CSMD3: variants seen among roughly 807,000 people sequenced by gnomAD.
CSMD3 encodes CUB and Sushi multiple domains 3.
In CSMD3, 177 loss-of-function variants were observed where a neutral mutation model predicts 435.2. The ratio of observed to expected loss-of-function variants is 0.41; its 90% CI spans 0.36 to 0.46. The LOEUF (loss-of-function observed/expected upper bound fraction) is 0.46, where lower values mean the gene tolerates loss of function less well. Ranked by LOEUF, CSMD3 falls within the 20% of genes least tolerant of loss-of-function variation. CSMD3 has a pLI of 0.34. For synonymous variants in CSMD3, 1,656 were observed against 1,520.5 expected (o/e 1.09, Z -2.07); for missense variants, 4,265 against 4,504.6 (o/e 0.95, Z 1.52).
intron 10 of CSMD3, among the ~76,000 whole-genome samples, chr8:112,918,411 A>C (rs554409562): frequency 6.6e-6 from 1 of 151,994 alleles, no homozygotes; most frequent in East Asian, 1.9e-4. Flanking sequence ...ATTACTTGGT[A>C]CCATCCTAAT....
intron 3 of CSMD3, among the ~76,000 whole-genome samples, chr8:113,250,919 A>C (rs1187779123): frequency 6.6e-6 from 1 of 152,146 alleles, no homozygotes; most frequent in Admixed American, 6.6e-5. Context: ...CATTCAAAAA[A>C]TAAATAAAGT....
intron 10 of CSMD3, among the ~76,000 whole-genome samples, chr8:112,888,224 C>T (rs2130296158): frequency 6.6e-6 from 1 of 151,684 alleles, no homozygotes; most frequent in South Asian, 2.1e-4. Flanking sequence ...GAGATGTTTG[C>T]TATCCTTGTG....
At chr8:112,400,174 T>C (rs1831198484) in intron 35 of CSMD3, among the ~76,000 whole-genome samples, 1 of 152,168 alleles carries the variant, frequency 6.6e-6, no homozygotes, top group East Asian at 1.9e-4. Flanking sequence ...TTTCTTATAG[T>C]TGTAAAGGCT....
At chr8:112,934,041 G>T (rs2083201856) in intron 9 of CSMD3, among the ~76,000 whole-genome samples, 1 of 152,042 alleles carries the variant, frequency 6.6e-6, no homozygotes, top group Non-Finnish European at 1.5e-5. Flanking sequence ...TTTATCTAGG[G>T]TTTAGCCCAA....
At chr8:113,134,448 A>G (rs1237392871) in intron 4 of CSMD3, among the ~76,000 whole-genome samples, 4 of 152,096 alleles carry the variant, frequency 2.6e-5, no homozygotes, top group Non-Finnish European at 5.9e-5. Flanking sequence ...TGCATCACAC[A>G]GTATTCACAA....
At chr8:112,402,968 A>G (rs1012871494) in intron 35 of CSMD3, among the ~76,000 whole-genome samples, 6 of 152,088 alleles carry the variant, frequency 3.9e-5, no homozygotes, top group Admixed American at 2.6e-4. Context: ...AGAAAAGAGG[A>G]CATTATTTGT....
chr8:112,304,429 C>T (rs1821223383), intron 52 of CSMD3, among the ~76,000 whole-genome samples: 1 of 150,056 alleles, frequency 6.7e-6, no homozygotes, highest in Non-Finnish European at 1.5e-5. Context: ...GGACTAAAAG[C>T]AGTGTCTGTC....
intron 3 of CSMD3, among the ~76,000 whole-genome samples, chr8:113,257,922 A>G (rs2093396863): frequency 6.6e-6 from 1 of 152,210 alleles, no homozygotes; most frequent in African/African-American, 2.4e-5. Context: ...TGATTTATGT[A>G]AAGTAACACT....
At chr8:113,286,599 A>T (rs1476533457) in intron 2 of CSMD3, among the ~76,000 whole-genome samples, 1 of 152,010 alleles carries the variant, frequency 6.6e-6, no homozygotes, top group East Asian at 1.9e-4. Flanking sequence ...GATAAGAATG[A>T]TACCTGTCTC....
chr8:112,321,793 A>G (rs1823018794), intron 45 of CSMD3, among the ~76,000 whole-genome samples: 1 of 152,114 alleles, frequency 6.6e-6, no homozygotes, highest in African/African-American at 2.4e-5. Flanking sequence ...CAAGTAAAAC[A>G]CCACTGTACA....
At chr8:112,937,000 G>A (rs573717458) in intron 9 of CSMD3, among the ~76,000 whole-genome samples, 4 of 152,154 alleles carry the variant, frequency 2.6e-5, no homozygotes, top group African/African-American at 7.2e-5. Context: ...CAGCAATGAG[G>A]AGACCATGAA....
chr8:112,999,887 C>T (rs1319399568), intron 6 of CSMD3, among the ~76,000 whole-genome samples: 3 of 151,804 alleles, frequency 2.0e-5, no homozygotes, highest in Admixed American at 6.6e-5. Context: ...AGAAAATATC[C>T]GGAGTGAAGT....
chr8:113,010,244 T>G (rs1397498322), intron 6 of CSMD3, among the ~76,000 whole-genome samples: 1 of 151,688 alleles, frequency 6.6e-6, no homozygotes, highest in Admixed American at 6.6e-5. Context: ...ACTAGTTGGG[T>G]GCATCCCATC....
intron 9 of CSMD3, among the ~76,000 whole-genome samples, chr8:112,932,524 G>A (rs1424131839): frequency 6.6e-6 from 1 of 152,162 alleles, no homozygotes; most frequent in Non-Finnish European, 1.5e-5. Flanking sequence ...GGGATTGCAG[G>A]CTACTTGGGA....
intron 22 of CSMD3, among the ~76,000 whole-genome samples, chr8:112,589,566 T>A (rs755324651): frequency 6.6e-6 from 1 of 152,166 alleles, no homozygotes; most frequent in Non-Finnish European, 1.5e-5. Flanking sequence ...AAAAATATCA[T>A]AACTTCAAGA....
intron 12 of CSMD3, among the ~76,000 whole-genome samples, chr8:112,822,638 T>C (rs1186471244): frequency 6.6e-6 from 1 of 151,878 alleles, no homozygotes; most frequent in Non-Finnish European, 1.5e-5. Flanking sequence ...TCTCTTTATT[T>C]CCTCTCTTTA....
chr8:113,032,144 A>T (rs2087136495), intron 5 of CSMD3, among the ~76,000 whole-genome samples: 1 of 151,566 alleles, frequency 6.6e-6, no homozygotes. Flanking sequence ...ACTAATACAG[A>T]GAGTTGGTAC....
chr8:112,464,522 T>C (rs1422166880), intron 32 of CSMD3, among the ~76,000 whole-genome samples: 1 of 152,044 alleles, frequency 6.6e-6, no homozygotes. Flanking sequence ...AAGGAGACCT[T>C]CCCTCCTCTG....
At chr8:112,990,106 A>G (rs1224335626) in intron 6 of CSMD3, among the ~76,000 whole-genome samples, 1 of 151,954 alleles carries the variant, frequency 6.6e-6, no homozygotes, top group Non-Finnish European at 1.5e-5. Context: ...TGGAAATGTG[A>G]GTCAATTAAA....
Sources: allele counts gnomAD v4.1 joint callset (sites outside exome capture counted in the v4.1 genomes callset), GRCh38; gene constraint gnomAD v4.1.1; transcripts MANE v1.5; gene names NCBI Gene and HGNC (gene_info 2026-07-23, HGNC 2026-07-21).